Variants in RAD18 observed in about 807,000 individuals in gnomAD.
RAD18 encodes the protein E3 ubiquitin-protein ligase RAD18.
A neutral mutation model predicts 60.4 loss-of-function variants in RAD18; 47 were observed. That is an observed-to-expected ratio of 0.78 (90% CI 0.62 to 0.99). The LOEUF (loss-of-function observed/expected upper bound fraction) is 0.99. Ranked by LOEUF, RAD18 falls within the 50% of genes least tolerant of loss-of-function variation. The pLI is 0.00. For missense variants in RAD18, 640 were observed against 593.3 expected (o/e 1.08, Z -0.82); for synonymous variants, 225 against 195.5 (o/e 1.15, Z -1.26).
intron 9 of RAD18, among the ~76,000 whole-genome samples, chr3:8,908,210 C>A (rs1461964024): frequency 6.6e-6 from 1 of 151,940 alleles, no homozygotes; most frequent in Non-Finnish European, 1.5e-5. Context: ...TTAAAGGAAC[C>A]CATTTCCAGA....
intron 2 of RAD18, among the ~76,000 whole-genome samples, chr3:8,957,377 G>GA (rs1941031906): frequency 6.6e-6 from 1 of 151,756 alleles, no homozygotes. Context: ...AAAAAACGAA[G>GA]AAAAAAAAGT....
At chr3:8,898,045 C>T (rs1939823111) in intron 11 of RAD18, among the ~76,000 whole-genome samples, 1 of 151,996 alleles carries the variant, frequency 6.6e-6, no homozygotes, top group African/African-American at 2.4e-5. Flanking sequence ...GCACTCCAGG[C>T]TGGGCAACAG....
intron 11 of RAD18, among the ~76,000 whole-genome samples, chr3:8,898,608 G>A (rs1280675019): frequency 6.6e-6 from 1 of 151,856 alleles, no homozygotes; most frequent in Non-Finnish European, 1.5e-5. Flanking sequence ...TCATCGTCTT[G>A]ACAAAAATTT....
chr3:8,913,568 T>C, intron 8 of RAD18, 76 bp downstream of exon 8: 1 of 1,045,622 alleles, frequency 9.6e-7, no homozygotes, highest in South Asian at 2.1e-5. Context: ...AATTTAATAA[T>C]GGCTTGCTTT....
At chr3:8,936,619 GCTATCATTTCAAAATAAGA>G (rs1940657708) in intron 6 of RAD18, among the ~76,000 whole-genome samples, 1 of 152,170 alleles carries the variant, frequency 6.6e-6, no homozygotes, top group Non-Finnish European at 1.5e-5. Context: ...CATTACACTT[GCTATCATTTCAAAATAAGA>G]ATAGCAAAGA....
At chr3:8,956,779 G>A (rs765170631) in intron 2 of RAD18, among the ~76,000 whole-genome samples, 33 of 138,224 alleles carry the variant, frequency 2.4e-4, no homozygotes, top group Non-Finnish European at 4.3e-4. Flanking sequence ...GCCTAACCAG[G>A]GGTAGAGAAG....
At chr3:8,948,934 TACA>T (rs1278668065) in intron 2 of RAD18, among the ~76,000 whole-genome samples, 4 of 152,194 alleles carry the variant, frequency 2.6e-5, no homozygotes, top group African/African-American at 9.7e-5. Flanking sequence ...ATAATATATA[TACA>T]CATATTAAGA....
intron 6 of RAD18, among the ~76,000 whole-genome samples, 184 bp from the exon 7 acceptor site, chr3:8,936,239 G>A (rs1292635453): frequency 6.6e-6 from 1 of 152,220 alleles, no homozygotes; most frequent in Non-Finnish European, 1.5e-5. Flanking sequence ...ATGTATCTGA[G>A]GTGCTGGTAA....
chr3:8,958,776 C>G (rs186790535), intron 2 of RAD18, 144 bp downstream of exon 2: 3 of 598,592 alleles, frequency 5.0e-6, no homozygotes, highest in Non-Finnish European at 9.0e-6. Flanking sequence ...AAGAGGAAGG[C>G]AGTGAAAAAG....
intron 12 of RAD18, among the ~76,000 whole-genome samples, chr3:8,883,066 A>G (rs1939498821): frequency 6.6e-6 from 1 of 152,256 alleles, no homozygotes; most frequent in Admixed American, 6.5e-5. Context: ...TATGTCAATA[A>G]AAACCAGATT....
At position 8,877,178 on chromosome 3, in the gene RAD18, T is replaced by C. The variant is rs1483162779; in HGVS notation, c.*4179A>G. The C allele has an allele frequency of 1.3e-5, 2 of 152,252 alleles. No homozygotes were observed. Among genetic ancestry groups the C allele is most frequent in the Non-Finnish European group, 2.9e-5 (2 of 68,034 alleles). The allele number at this position is 152,252 out of a possible 1,614,324, so 9.4% of individuals were successfully genotyped here. ...GTCCATTTGTGCTGCCAGAAGAAAATACCACAGTCTGGGTAACTTATAGAC... is the reference window on the plus strand; with the variant it reads ...GTCCATTTGTGCTGCCAGAAGAAAACACCACAGTCTGGGTAACTTATAGAC... On this transcript the variant is annotated 3_prime_UTR_variant, in exon 13 of 13. Coordinates refer to ENST00000264926, the MANE Select transcript of RAD18 (RefSeq NM_020165.4).
rs563070758 is a variant in RAD18 at position 8,923,067 on chromosome 3, T to C, written c.890-9347A>G. ...CAACAGAACACAGCTGGACAGAGAA[T>C]GACTTCGACGAGTTGAGAGAAGAAC... On this transcript the variant is annotated intron_variant, in intron 7 of 12. Transcript: ENST00000264926. Among the ~76,000 whole-genome samples, 21 of 152,340 alleles carry C rather than the reference T, an allele frequency of 1.4e-4. No homozygotes were observed. In the East Asian group the frequency reaches 4.1e-3, roughly 29 times the overall value.
In RAD18 at chr3:8,913,652, T is replaced by C; in HGVS notation, c.958A>G (p.Asn320Asp). 4 of 1,556,958 alleles carry C rather than the reference T, an allele frequency of 2.6e-6. No homozygotes were observed. The highest frequency in any genetic ancestry group is 3.5e-6 in the Non-Finnish European group (4 of 1,147,640). Reference protein sequence around the residue: ...TRMRLEASKLNESVMVFTKDQ... With the variant: ...TRMRLEASKLDESVMVFTKDQ... ...ATAGCCCATTAACATACACTTTCATTGAGTTTACTAGCTTCAAGACGCATC... is the reference window on the plus strand; with the variant it reads ...ATAGCCCATTAACATACACTTTCATCGAGTTTACTAGCTTCAAGACGCATC... The change falls in exon 8 of 13, where the codon AAT becomes GAT. Residue 320 changes from asparagine to aspartate, a missense_variant. Coordinates refer to ENST00000264926, the MANE Select transcript of RAD18 (RefSeq NM_020165.4).
chr3:8,889,770 C>G lies in RAD18; in HGVS notation c.1385+619G>C, dbSNP rs371152773. ...GACCTTTTACGCATATTAAAGAGTC[C>G]CTTCTTGAACCTAAAAGGAACAAGA... On this transcript the variant is annotated intron_variant, in intron 12 of 12. Coordinates refer to ENST00000264926, the MANE Select transcript of RAD18 (RefSeq NM_020165.4). Among the ~76,000 whole-genome samples the G allele has an allele frequency of 1.3e-4, 20 of 152,100 alleles. 1 individual carries two copies. The East Asian group carries it at 2.3e-3, about 18-fold the overall frequency.
At chr3:8,939,033 G>C (rs74657287) in intron 6 of RAD18, among the ~76,000 whole-genome samples, 3 of 151,972 alleles carry the variant, frequency 2.0e-5, no homozygotes, top group Admixed American at 1.3e-4. Flanking sequence ...CTGGAGGATG[G>C]GGGGGTGGTG....
At chr3:8,907,161 G>A (rs569516983) in intron 9 of RAD18, among the ~76,000 whole-genome samples, 1 of 152,236 alleles carries the variant, frequency 6.6e-6, no homozygotes, top group East Asian at 1.9e-4. Flanking sequence ...ATACCCACTT[G>A]CCCATACTAC....
intron 7 of RAD18, among the ~76,000 whole-genome samples, chr3:8,924,133 C>T (rs200590922): frequency 1.2e-4 from 18 of 152,112 alleles, no homozygotes; most frequent in African/African-American, 4.3e-4. Context: ...GATAAAGAGT[C>T]AAGACCCATC....
At chr3:8,923,883 C>G (rs1033056167) in intron 7 of RAD18, among the ~76,000 whole-genome samples, 1 of 152,158 alleles carries the variant, frequency 6.6e-6, no homozygotes, top group African/African-American at 2.4e-5. Flanking sequence ...CTGTTACCAC[C>G]AGGCCTGCCC....
At chr3:8,885,105 C>T (rs1939535261) in intron 12 of RAD18, among the ~76,000 whole-genome samples, 2 of 152,284 alleles carry the variant, frequency 1.3e-5, no homozygotes, top group South Asian at 2.1e-4. Context: ...CAGCCTGCTT[C>T]CAATACACAT....
Sources: allele counts gnomAD v4.1 joint callset (sites outside exome capture counted in the v4.1 genomes callset), GRCh38; gene constraint gnomAD v4.1.1; transcripts MANE v1.5; gene names NCBI Gene and HGNC (gene_info 2026-07-23, HGNC 2026-07-21).